The following SYCP2L variants were observed in gnomAD, a reference collection of about 807,000 sequenced individuals.
SYCP2L encodes synaptonemal complex protein 2-like.
In SYCP2L, 98 loss-of-function variants were observed where a neutral mutation model predicts 125.8. The ratio of observed to expected loss-of-function variants is 0.78; its 90% confidence interval spans 0.66 to 0.92. The LOEUF (loss-of-function observed/expected upper bound fraction) is 0.92. Ranked by LOEUF, SYCP2L falls within the 40% of genes least tolerant of loss-of-function variation. The pLI, the probability that SYCP2L is intolerant of heterozygous loss-of-function variation, is 0.00. For missense variants in SYCP2L, 842 were observed against 936.4 expected, an observed-to-expected ratio of 0.90 and a Z score of 1.32; for synonymous variants, 317 against 325.4, an observed-to-expected ratio of 0.97 and a Z score of 0.28.
In SYCP2L at chr6:10,898,125, G is replaced by C. The variant is rs1198960883; in HGVS notation, c.441+10G>C. On this transcript the variant is annotated intron_variant, in intron 5 of 29. Coordinates refer to ENST00000283141, the MANE Select transcript of SYCP2L (RefSeq NM_001040274.3). The stretch of plus-strand genomic sequence containing the variant: ...CTTTGACACTGCATTGGTAAGGATG[G>C]GATGGATGCTTCACTGAGCAGATGC... 6.3e-7 allele frequency: 1 copy of C among 1,585,020 alleles called. No individual in the cohort carries two copies. Among genetic ancestry groups the C allele is most frequent in the Admixed American group, 1.7e-5 (1 of 59,932 alleles).
Position 10,958,839 on chromosome 6 carries a change from G to A in SYCP2L, c.2219G>A (p.Cys740Tyr). The part of the protein sequence containing the change: ...NSENAKKAPD[C>Y]LIKLLNQMQL... ...GAAAATGCAAAGAAAGCACCGGATT[G>A]CCTAATAAAACTTTTAAACCAGATG... The change falls in exon 26 of 30, where the codon TGC becomes TAC. Residue 740 changes from cysteine to tyrosine, a missense_variant. Coordinates refer to ENST00000283141, the MANE Select transcript of SYCP2L (RefSeq NM_001040274.3). 1 of 1,613,942 alleles carries A rather than the reference G, an allele frequency of 6.2e-7. No individual in the cohort carries two copies. The highest frequency in any genetic ancestry group is 8.5e-7 in the Non-Finnish European group (1 of 1,179,960).
At chr6:10,940,872 G>A (rs976937360) in intron 21 of SYCP2L, among the ~76,000 whole-genome samples, 2 of 152,136 alleles carry the variant, frequency 1.3e-5, no homozygotes, top group Admixed American at 1.3e-4. Flanking sequence ...GGGTTTCTAA[G>A]GGAGAGAAGA....
At chr6:10,971,634 G>A (rs1781776394) in intron 29 of SYCP2L, among the ~76,000 whole-genome samples, 1 of 152,054 alleles carries the variant, frequency 6.6e-6, no homozygotes, top group South Asian at 2.1e-4. Flanking sequence ...TTATTGTGAT[G>A]CTTACACAAG....
intron 1 of SYCP2L, 77 bp from the exon 2 acceptor site, chr6:10,891,436 T>TGA: frequency 1.2e-6 from 1 of 814,366 alleles, no homozygotes; most frequent in Non-Finnish European, 1.8e-6. Flanking sequence ...TTTTTTTTTT[T>TGA]TTGCTTTGTG....
Position 10,928,411 on chromosome 6 carries a change from G to T in SYCP2L, c.1449G>T (p.Pro483=). 1 of 1,539,022 alleles carries T rather than the reference G, an allele frequency of 6.5e-7. No homozygotes were observed. Among genetic ancestry groups the T allele is most frequent in the South Asian group, 1.2e-5 (1 of 84,800 alleles). The change falls in exon 18 of 30, where the codon CCG becomes CCT. Residue 483 remains proline, a synonymous_variant. Coordinates refer to ENST00000283141, the MANE Select transcript of SYCP2L (RefSeq NM_001040274.3). ...GEPASDSHLQ[P]VPPFGVPDFP... is the part of the protein sequence containing the mutation. ...ACGTTCTTCTGCCATAGCTTCAGCC[G>T]GTCCCTCCGTTCGGGGTCCCTGACT... is the stretch of plus-strand genomic sequence containing the variant.
intron 8 of SYCP2L, among the ~76,000 whole-genome samples, chr6:10,904,716 T>C (rs1048250814): frequency 7.2e-5 from 11 of 152,192 alleles, no homozygotes; most frequent in Non-Finnish European, 1.2e-4. Context: ...TTAATTTCGC[T>C]CAGTGGTACT....
intron 4 of SYCP2L, among the ~76,000 whole-genome samples, chr6:10,897,147 A>G (rs189762559): frequency 1.2e-4 from 18 of 152,276 alleles, no homozygotes; most frequent in Non-Finnish European, 1.9e-4. Flanking sequence ...GGGGGAGGAA[A>G]GGTTGCAGAA....
chr6:10,964,971 T>G (rs1302229931), intron 29 of SYCP2L, among the ~76,000 whole-genome samples: 1 of 152,176 alleles, frequency 6.6e-6, no homozygotes, highest in African/African-American at 2.4e-5. Flanking sequence ...GGGAGGATGG[T>G]AGACTCTCAA....
At chr6:10,931,411 T>C (rs1467919983) in intron 19 of SYCP2L, 29 bp from the exon 20 acceptor site, 1 of 1,613,290 alleles carries the variant, frequency 6.2e-7, no homozygotes, top group East Asian at 2.2e-5. Context: ...TTAATGTATA[T>C]GTTGTGCACT....
intron 12 of SYCP2L, among the ~76,000 whole-genome samples, chr6:10,911,735 GA>G (rs1358900688): frequency 6.6e-6 from 1 of 151,960 alleles, no homozygotes; most frequent in African/African-American, 2.4e-5. Context: ...TGGCTTCCAG[GA>G]ACATGTATTG....
Position 10,926,421 on chromosome 6 carries a change from A to T in SYCP2L, c.1301A>T (p.Glu434Val). Residue 434 changes from glutamate to valine, a missense_variant, in exon 16 of 30, where the codon GAA becomes GTA. Glu to Val is a moderately radical substitution (Grantham distance 121). Transcript: ENST00000283141. ...KEDRESPSGL[E>V]RETEQAEEST... is the part of the protein sequence containing the mutation. ...GACAGGGAGAGTCCCAGTGGCCTTG[A>T]AAGAGAAACAGGTATATTGGGAAAT... 6.2e-7 allele frequency: 1 copy of T among 1,611,838 alleles called. No homozygotes were observed. The highest frequency in any genetic ancestry group is 8.5e-7 in the Non-Finnish European group (1 of 1,178,200).
At chr6:10,931,311 G>A (rs1451594129) in intron 19 of SYCP2L, 129 bp from the exon 20 acceptor site, 2 of 828,458 alleles carry the variant, frequency 2.4e-6, no homozygotes, top group African/African-American at 1.7e-5. Context: ...GATCTTAAGA[G>A]TAGACATTTC....
At chr6:10,908,337 T>TAC (rs1780542183) in intron 10 of SYCP2L, among the ~76,000 whole-genome samples, 1 of 152,176 alleles carries the variant, frequency 6.6e-6, no homozygotes, top group Non-Finnish European at 1.5e-5. Context: ...AGAAGGCAGC[T>TAC]GCTGTGATGG....
At chr6:10,969,434 C>T (rs1781732855) in intron 29 of SYCP2L, among the ~76,000 whole-genome samples, 1 of 146,984 alleles carries the variant, frequency 6.8e-6, no homozygotes, top group Non-Finnish European at 1.5e-5. Context: ...GATCTTGGCT[C>T]ACTGCAAGCT....
At chr6:10,910,105 C>T in intron 10 of SYCP2L, 43 bp from the exon 11 acceptor site, 3 of 1,561,240 alleles carry the variant, frequency 1.9e-6, no homozygotes, top group Non-Finnish European at 1.8e-6. Context: ...ACTAAGACAT[C>T]TTGATTTTTT....
At chr6:10,934,585 C>CA (rs1332047840) in intron 20 of SYCP2L, among the ~76,000 whole-genome samples, 1 of 152,184 alleles carries the variant, frequency 6.6e-6, no homozygotes, top group Non-Finnish European at 1.5e-5. Context: ...GAGGCTGAGG[C>CA]ACGAGAATTG....
intron 4 of SYCP2L, among the ~76,000 whole-genome samples, chr6:10,895,217 C>T (rs1267362331): frequency 6.6e-6 from 1 of 152,146 alleles, no homozygotes; most frequent in Non-Finnish European, 1.5e-5. Flanking sequence ...GGAAATGAGG[C>T]AGAGATGTCC....
intron 4 of SYCP2L, among the ~76,000 whole-genome samples, chr6:10,895,224 G>A (rs1383489004): frequency 1.3e-5 from 2 of 152,214 alleles, no homozygotes; most frequent in Non-Finnish European, 2.9e-5. Flanking sequence ...AGGCAGAGAT[G>A]TCCTAAGTGT....
rs180976086 is a variant in SYCP2L at position 10,945,341 on chromosome 6, G to A, written c.1954+2595G>A. ...GTCCTTCAAATCTTACATTCTTACT[G>A]TTTTTTAATCAGTCTACTTATTCTA... On this transcript the variant is annotated intron_variant, in intron 23 of 29. Transcript: ENST00000283141. 7.9e-5 allele frequency among the ~76,000 whole-genome samples: 12 copies of A among 152,210 alleles called. No homozygotes were observed. In the East Asian group the frequency reaches 2.3e-3, roughly 29 times the overall value.
Sources: gnomAD v4.1 joint callset for allele counts (sites outside exome capture counted in the v4.1 genomes callset) on GRCh38, gnomAD v4.1.1 for gene constraint, MANE v1.5 for transcripts, NCBI Gene and HGNC (gene_info 2026-07-23, HGNC 2026-07-21) for gene names.